The following SLC25A12 variants were observed in gnomAD, a reference collection of about 807,000 sequenced individuals.
The protein encoded by SLC25A12 is solute carrier family 25 member 12.
Under a neutral mutation model 83.3 loss-of-function variants are expected in SLC25A12, and 32 were observed. The observed-to-expected ratio is 0.38, with a 90% confidence interval of 0.29 to 0.52. The LOEUF is 0.52. SLC25A12 is among the 20% of genes least tolerant of loss of function. SLC25A12 has a pLI of 0.84. For missense variants in SLC25A12, 611 were observed against 835.6 expected (o/e 0.73, Z 3.31); for synonymous variants, 267 against 291.1 (o/e 0.92, Z 0.84).
In SLC25A12 at chr2:171,785,268, G is replaced by T; in HGVS notation, c.*6C>A. On this transcript the variant is annotated 3_prime_UTR_variant, in exon 18 of 18. Coordinates refer to ENST00000422440, the MANE Select transcript of SLC25A12 (RefSeq NM_003705.5). ...CGCCATTTTGCCACACTCAACAGTT[G>T]TCTCATCACTGAGTGGCTGCCACTG... is the stretch of plus-strand genomic sequence containing the variant. 1 of 1,613,970 alleles carries T rather than the reference G, an allele frequency of 6.2e-7. No individual in the cohort carries two copies. The highest frequency in any genetic ancestry group is 1.1e-5 in the South Asian group (1 of 90,994).
rs774002650 is a variant in SLC25A12 at position 171,851,510 on chromosome 2, AG to A, written c.325+4323del. 2.4e-3 allele frequency among the ~76,000 whole-genome samples: 197 copies of A among 83,080 alleles called. 1 individual carries two copies. Among genetic ancestry groups the A allele is most frequent in the Middle Eastern group, 8.2e-3 (1 of 122 alleles). 54.5% of individuals were successfully genotyped at this position (83,080 alleles called of 152,430 possible). ...GGCCCCTTAAAAAAAAAAAAAAAAA[AG>A]GATTAAATCTTTAGTAAGGCAATAG... On this transcript the variant is annotated intron_variant, in intron 4 of 17. Coordinates refer to ENST00000422440, the MANE Select transcript of SLC25A12 (RefSeq NM_003705.5).
chr2:171,814,729 T>A (rs1044719498), intron 10 of SLC25A12, among the ~76,000 whole-genome samples: 1 of 152,308 alleles, frequency 6.6e-6, no homozygotes, highest in South Asian at 2.1e-4. Flanking sequence ...CACTTATAAA[T>A]GAGAACATGT....
chr2:171,850,353 T>G (rs1372845590), intron 4 of SLC25A12, among the ~76,000 whole-genome samples: 12 of 136,612 alleles, frequency 8.8e-5, no homozygotes, highest in African/African-American at 1.4e-4. Flanking sequence ...TTTTTTTTTT[T>G]TTTTTTTTTT....
At chr2:171,842,034 C>T (rs1432970042) in intron 5 of SLC25A12, among the ~76,000 whole-genome samples, 1 of 152,070 alleles carries the variant, frequency 6.6e-6, no homozygotes, top group Non-Finnish European at 1.5e-5. Context: ...TGTATATAGC[C>T]AAAAGAACTG....
Position 171,844,483 on chromosome 2 carries a change from C to A in SLC25A12, c.351G>T (p.Gln117His). The A allele has an allele frequency of 6.2e-7, 1 of 1,603,532 alleles. No homozygotes were observed. The highest frequency in any genetic ancestry group is 8.5e-7 in the Non-Finnish European group (1 of 1,170,606). Reference protein sequence around the residue: ...TFENVKEIFGQTIIHHHIPFN... With the variant: ...TFENVKEIFGHTIIHHHIPFN... ...AAGGGATATGATGATGAATAATAGTCTGTCCAAAAATTTCTTTGACATTTT... is the reference window on the plus strand; with the variant it reads ...AAGGGATATGATGATGAATAATAGTATGTCCAAAAATTTCTTTGACATTTT... Residue 117 changes from glutamine to histidine, a missense_variant, in exon 5 of 18, where the codon CAG becomes CAT. Physicochemically the swap from Gln to His is conservative, Grantham distance 24 (BLOSUM62 0). This residue lies in a region of SLC25A12 where 540 missense variants were observed against 777.5 expected (regional missense o/e 0.69). Coordinates refer to ENST00000422440, the MANE Select transcript of SLC25A12 (RefSeq NM_003705.5).
intron 3 of SLC25A12, among the ~76,000 whole-genome samples, chr2:171,863,450 C>T (rs555328993): frequency 1.3e-4 from 19 of 151,590 alleles, no homozygotes; most frequent in African/African-American, 3.9e-4. Flanking sequence ...CACTTGAACC[C>T]GGAAGGCAGT....
intron 3 of SLC25A12, among the ~76,000 whole-genome samples, chr2:171,866,622 T>C (rs1685319149): frequency 7.3e-6 from 1 of 136,652 alleles, no homozygotes; most frequent in African/African-American, 2.8e-5. Context: ...ACGGGGCGGC[T>C]GGCCGGGCGG....
intron 17 of SLC25A12, 46 bp downstream of exon 17, chr2:171,787,525 T>A (rs1451646500): frequency 7.1e-6 from 10 of 1,399,272 alleles, no homozygotes; most frequent in South Asian, 2.3e-5. Flanking sequence ...AACATTTGTT[T>A]TGGACTTAGT....
At chr2:171,858,467 G>A (rs758083357) in intron 3 of SLC25A12, among the ~76,000 whole-genome samples, 2 of 152,110 alleles carry the variant, frequency 1.3e-5, no homozygotes, top group East Asian at 1.9e-4. Flanking sequence ...TACAGAATAC[G>A]TAGCTTTAAA....
Position 171,793,743 on chromosome 2 carries a change from T to TA in SLC25A12, c.1329dup (p.Thr444TyrfsTer39). On this transcript the variant is annotated frameshift_variant, in exon 14 of 18. Coordinates refer to ENST00000422440, the MANE Select transcript of SLC25A12 (RefSeq NM_003705.5). LOFTEE classifies it high-confidence loss of function. ...ATCTTCACTATCTCCAATGGGTTGG[T>TA]AAAAATGACCTGAGAGCCTCCAGCC... The TA allele has an allele frequency of 6.2e-7, 1 of 1,614,002 alleles. No homozygotes were observed. The highest frequency in any genetic ancestry group is 8.5e-7 in the Non-Finnish European group (1 of 1,179,982).
intron 2 of SLC25A12, among the ~76,000 whole-genome samples, chr2:171,884,749 T>C (rs1184546304): frequency 6.6e-6 from 1 of 150,656 alleles, no homozygotes; most frequent in Non-Finnish European, 1.5e-5. Context: ...CACTCCAGCC[T>C]GGGCAACAAG....
chr2:171,790,682 A>G (rs1352674216), intron 15 of SLC25A12, among the ~76,000 whole-genome samples: 1 of 152,116 alleles, frequency 6.6e-6, no homozygotes, highest in East Asian at 1.9e-4. Flanking sequence ...GAGGATAACA[A>G]TTATGCAAAT....
At chr2:171,816,983 T>A (rs181544458) in intron 9 of SLC25A12, among the ~76,000 whole-genome samples, 1 of 152,248 alleles carries the variant, frequency 6.6e-6, no homozygotes, top group African/African-American at 2.4e-5. Context: ...AATGGAGCCC[T>A]CATGATAGGA....
chr2:171,891,987 T>C (rs1474099284), intron 2 of SLC25A12, among the ~76,000 whole-genome samples: 3 of 152,226 alleles, frequency 2.0e-5, no homozygotes, highest in Admixed American at 6.5e-5. Context: ...AAAAATGTCA[T>C]CTATTCCAGG....
At chr2:171,843,017 C>T (rs571620393) in intron 5 of SLC25A12, among the ~76,000 whole-genome samples, 13 of 152,126 alleles carry the variant, frequency 8.5e-5, no homozygotes, top group Non-Finnish European at 1.6e-4. Flanking sequence ...GACAAGGTTT[C>T]GCCATGTTGG....
At chr2:171,851,587 T>C (rs1040817335) in intron 4 of SLC25A12, among the ~76,000 whole-genome samples, 6 of 150,816 alleles carry the variant, frequency 4.0e-5, no homozygotes, top group African/African-American at 1.5e-4. Flanking sequence ...CAGGCTAGAG[T>C]GTAATGGCAC....
chr2:171,805,462 T>G (rs1319646993), intron 13 of SLC25A12, among the ~76,000 whole-genome samples: 2 of 152,144 alleles, frequency 1.3e-5, no homozygotes, highest in Non-Finnish European at 2.9e-5. Flanking sequence ...ATTCAATGAG[T>G]AAGTGAATAT....
At chr2:171,865,365 T>C (rs1685263980) in intron 3 of SLC25A12, among the ~76,000 whole-genome samples, 1 of 152,158 alleles carries the variant, frequency 6.6e-6, no homozygotes, top group South Asian at 2.1e-4. Context: ...AACTAGTATA[T>C]ACCAATTTTT....
intron 13 of SLC25A12, among the ~76,000 whole-genome samples, chr2:171,806,839 G>A (rs1434846770): frequency 1.3e-5 from 2 of 152,174 alleles, no homozygotes; most frequent in South Asian, 2.1e-4. Context: ...AAAGCCATAA[G>A]GACACCGTAC....
Sources: gnomAD v4.1 joint callset for allele counts (sites outside exome capture counted in the v4.1 genomes callset) on GRCh38, gnomAD v4.1.1 for gene constraint, gnomAD v4.1.1 regional missense constraint, MANE v1.5 for transcripts, NCBI Gene and HGNC (gene_info 2026-07-23, HGNC 2026-07-21) for gene names.